Variants in PNPLA8 observed in about 807,000 individuals in gnomAD.
PNPLA8 encodes the protein patatin like domain 8, phospholipase A2, also known as calcium-independent phospholipase A2-gamma.
PNPLA8 carries 39 observed loss-of-function variants against 76.9 expected under a neutral mutation model. That is an observed-to-expected ratio of 0.51 (90% CI 0.39 to 0.66). The LOEUF is 0.66. PNPLA8 is among the 30% of genes least tolerant of loss of function. PNPLA8 has a pLI of 0.00. For synonymous variants in PNPLA8, 301 were observed against 307.9 expected, an observed-to-expected ratio of 0.98 and a Z score of 0.24; for missense variants, 887 against 918.0, an observed-to-expected ratio of 0.97 and a Z score of 0.44.
chr7:108,510,481 T>C, intron 4 of PNPLA8: 1 of 1,415,196 alleles, frequency 7.1e-7, no homozygotes, highest in South Asian at 1.1e-5. Context: ...ACTTTGTACC[T>C]GCAGAACCCA....
chr7:108,486,371 G>T (rs750473661), intron 9 of PNPLA8, among the ~76,000 whole-genome samples: 2 of 151,970 alleles, frequency 1.3e-5, no homozygotes, highest in African/African-American at 4.8e-5. Flanking sequence ...AGGGGAAATC[G>T]TTGTTAAAAA....
intron 8 of PNPLA8, among the ~76,000 whole-genome samples, chr7:108,489,002 G>A (rs1860948156): frequency 2.0e-5 from 3 of 152,182 alleles, no homozygotes; most frequent in Middle Eastern, 3.2e-3. Context: ...GATAGGCGTT[G>A]GCCATATACT....
In PNPLA8 at chr7:108,479,300, T is replaced by C. The variant is rs199549006; in HGVS notation, c.1958A>G (p.Glu653Gly). ...TCCAGTGCCCAGGGATACTATGCAC[T>C]CTAACGGCACATCTGGCCAAAGACA... ...CKCLWPDVPL[E>G]CIVSLGTGRY... Residue 653 changes from glutamate (E) to glycine (G), a missense_variant, in exon 10 of 11, where the codon GAG (glutamate) becomes GGG (glycine). Transcript: ENST00000257694. The C allele has an allele frequency of 6.2e-7, 1 of 1,613,106 alleles. No homozygotes were observed. Among genetic ancestry groups the C allele is most frequent in the East Asian group, 2.2e-5 (1 of 44,876 alleles).
intron 10 of PNPLA8, 56 bp from the exon 11 acceptor site, chr7:108,472,731 G>C: frequency 8.4e-7 from 1 of 1,193,522 alleles, no homozygotes; most frequent in Non-Finnish European, 1.2e-6. Context: ...GATAAAGTGA[G>C]CAATGAACTG....
At chr7:108,517,873 G>A (rs34959248) in intron 2 of PNPLA8, among the ~76,000 whole-genome samples, 15,413 of 152,064 alleles carry the variant, frequency 0.1, 812 homozygotes, top group Non-Finnish European at 0.11. Flanking sequence ...TCCTGGGCTC[G>A]TGCAATCCAC....
intron 5 of PNPLA8, among the ~76,000 whole-genome samples, chr7:108,498,033 ATCC>A (rs1861673094): frequency 6.6e-6 from 1 of 151,108 alleles, no homozygotes. Context: ...AGAAGAAGAA[ATCC>A]ACTCAAATAC....
chr7:108,514,378 T>C (rs1374960327), intron 3 of PNPLA8, 58 bp downstream of exon 3: 3 of 1,546,498 alleles, frequency 1.9e-6, no homozygotes, highest in South Asian at 2.4e-5. Context: ...CATTAGGAAA[T>C]AAAACTTATA....
In PNPLA8 at chr7:108,496,737, A is replaced by G. The variant is rs781176391; in HGVS notation, c.1472T>C (p.Met491Thr). ...GVSTGAILAF[M>T]LGLFHMPLDE... ...CAAGGGCATATGAAACAACCCCAAC[A>G]TGAAAGCTAATATGGCACCTGGAAA... Residue 491 changes from methionine (M) to threonine (T), a missense_variant, in exon 7 of 11, where the codon ATG (methionine) becomes ACG (threonine). Physicochemically the swap from Met to Thr is moderately conservative, Grantham distance 81. Transcript: ENST00000257694. The G allele has an allele frequency of 1.4e-5, 23 of 1,610,256 alleles. 1 individual carries two copies. Among genetic ancestry groups the G allele is most frequent in the Non-Finnish European group, 1.7e-5 (20 of 1,178,278 alleles).
chr7:108,510,176 A>AC, intron 4 of PNPLA8: 1 of 704,076 alleles, frequency 1.4e-6, no homozygotes. Context: ...TTAAAGTATA[A>AC]TAAAAAAAAA....
Position 108,497,591 on chromosome 7 carries a change from T to A in PNPLA8, c.1359-14A>T. 1.3e-6 allele frequency: 2 copies of A among 1,487,742 alleles called. No individual in the cohort carries two copies. Among genetic ancestry groups the A allele is most frequent in the Non-Finnish European group, 9.1e-7 (1 of 1,097,776 alleles). 92.2% of individuals were successfully genotyped at this position (1,487,742 alleles called of 1,614,324 possible). On this transcript the variant is annotated splice_polypyrimidine_tract_variant and intron_variant, in intron 5 of 10. Transcript: ENST00000257694. ...GCAACCACGCCCCTACAGAAAAGAT[T>A]AAAGACAAAATGACAATTCCTGTTT...
At chr7:108,527,335 G>C (rs1480260726), upstream of PNPLA8, among the ~76,000 whole-genome samples, 1 of 152,148 alleles carries the variant, frequency 6.6e-6, no homozygotes, top group Non-Finnish European at 1.5e-5. Context: ...ACAGTGTCTG[G>C]ATTATGTACA....
chr7:108,505,323 TATATATATATATATATATATATATATA>T (rs1563967421), intron 4 of PNPLA8, among the ~76,000 whole-genome samples: 16 of 4,294 alleles, frequency 3.7e-3, no homozygotes, highest in African/African-American at 9.2e-3. Flanking sequence ...TATATATATA[TATATATATATATATATATATATATATA>T]TATTTTTTTT....
rs561945768 is a variant in PNPLA8 at position 108,476,201 on chromosome 7, G to A, written c.2074+2983C>T. Among the ~76,000 whole-genome samples, 8 of 152,266 alleles carry A rather than the reference G, an allele frequency of 5.3e-5. No individual in the cohort carries two copies. In the South Asian group the frequency reaches 1.7e-3, roughly 32 times the overall value. On this transcript the variant is annotated intron_variant, in intron 10 of 10. Transcript: ENST00000257694. ...CAATTCTTGTTATATCTTTTTCAAAGTTAACTAAGTTTATTAAATTTTTAC... is the reference window on the plus strand; with the variant it reads ...CAATTCTTGTTATATCTTTTTCAAAATTAACTAAGTTTATTAAATTTTTAC...
chr7:108,475,167 A>G (rs1403779460), intron 10 of PNPLA8, among the ~76,000 whole-genome samples: 2 of 152,134 alleles, frequency 1.3e-5, no homozygotes, highest in Non-Finnish European at 2.9e-5. Flanking sequence ...CATCATCCCT[A>G]GATAAGACCA....
In PNPLA8 at chr7:108,487,890, A is replaced by AGTTT; in HGVS notation, c.1743_1746dup (p.Tyr583LysfsTer19). 6.2e-7 allele frequency: 1 copy of AGTTT among 1,613,576 alleles called. No homozygotes were observed. The highest frequency in any genetic ancestry group is 8.5e-7 in the Non-Finnish European group (1 of 1,179,532). ...GAGTTGATTCCAGGAAAATGACCAT[A>AGTTT]GTTTCTGAACACAAAAGCTTTGGGT... On this transcript the variant is annotated frameshift_variant, in exon 9 of 11. Coordinates refer to ENST00000257694, the MANE Select transcript of PNPLA8 (RefSeq NM_001256007.3). LOFTEE classifies it high-confidence loss of function.
rs574128424 is a variant in PNPLA8, at chr7:108,515,261, A to G, written c.231T>C (p.His77=). The stretch of plus-strand genomic sequence containing the variant: ...GTTTCAAAATCCCAATATGTAAACC[A>G]TGGTTGCTTGGAGAGTAACAGTGCT... The part of the protein sequence containing the change: ...CSKHCYSPSN[H]GLHIGILKLS... The change falls in exon 3 of 11, where the codon CAT becomes CAC. Residue 77 remains histidine, a synonymous_variant. Coordinates refer to ENST00000257694, the MANE Select transcript of PNPLA8 (RefSeq NM_001256007.3). 6.2e-6 allele frequency: 10 copies of G among 1,604,592 alleles called. No individual in the cohort carries two copies. Among genetic ancestry groups the G allele is most frequent in the African/African-American group, 1.3e-5 (1 of 74,660 alleles).
chr7:108,497,374 GGAGA>G (rs1194088319), intron 6 of PNPLA8, 105 bp downstream of exon 6: 1 of 697,336 alleles, frequency 1.4e-6, no homozygotes, highest in East Asian at 2.9e-5. Context: ...TTTGGGGTAT[GGAGA>G]GAGGGCTGAA....
Position 108,475,532 on chromosome 7 carries a change from T to C in PNPLA8, c.2075-2857A>G, listed in dbSNP as rs116919986. Among the ~76,000 whole-genome samples, 180 of 152,286 alleles carry C rather than the reference T, an allele frequency of 1.2e-3. 1 individual carries two copies. In the East Asian group the frequency reaches 0.033, roughly 28 times the overall value. On this transcript the variant is annotated intron_variant, in intron 10 of 10. Transcript: ENST00000257694. ...TTTGTGATGTGATACCTTAACAATA[T>C]TGAGATTTCCAATTCATGAACACAG...
At chr7:108,512,569 T>C (rs1863015202) in intron 4 of PNPLA8, among the ~76,000 whole-genome samples, 1 of 152,066 alleles carries the variant, frequency 6.6e-6, no homozygotes, top group African/African-American at 2.4e-5. Context: ...GGTAGACACA[T>C]AAAAAAGTAA....
Sources: gnomAD v4.1 joint callset for allele counts (sites outside exome capture counted in the v4.1 genomes callset) on GRCh38, gnomAD v4.1.1 for gene constraint, MANE v1.5 for transcripts, NCBI Gene and HGNC (gene_info 2026-07-23, HGNC 2026-07-21) for gene names.